ADGRB3: variants seen among roughly 807,000 people sequenced by gnomAD.
The protein encoded by ADGRB3 is adhesion G protein-coupled receptor B3.
In ADGRB3, 37 loss-of-function variants were observed where a neutral mutation model predicts 193.4. The observed-to-expected ratio is 0.19, with a 90% CI of 0.15 to 0.25. ADGRB3 has a LOEUF of 0.25. Among genes scored for constraint, ADGRB3 ranks in the 10% least tolerant of loss-of-function variants. ADGRB3 has a pLI of 1.00. For missense variants in ADGRB3, 1,637 were observed against 1,852.9 expected (o/e 0.88, Z 2.14); for synonymous variants, 690 against 644.2 (o/e 1.07, Z -1.08).
rs116554028 is a variant in ADGRB3 at position 68,904,339 on chromosome 6, G to T, written c.758-26220G>T. ...TACAACCCTGACAATATTGCTAAGT[G>T]ACATGAATTTTTCAGTTATAATCTT... On this transcript the variant is annotated intron_variant, in intron 3 of 31. Transcript: ENST00000370598. Among the ~76,000 whole-genome samples, 435 of 152,152 alleles carry T rather than the reference G, an allele frequency of 2.9e-3. 3 individuals are homozygous for T. The highest frequency in any genetic ancestry group is 9.0e-3 in the African/African-American group (372 of 41,508).
At chr6:68,716,786 T>G (rs1315482070) in intron 3 of ADGRB3, among the ~76,000 whole-genome samples, 1 of 151,716 alleles carries the variant, frequency 6.6e-6, no homozygotes, top group African/African-American at 2.4e-5. Context: ...GGAAGCTTGC[T>G]GACATATTTA....
chr6:68,725,884 G>A (rs1321493800), intron 3 of ADGRB3, among the ~76,000 whole-genome samples: 1 of 151,496 alleles, frequency 6.6e-6, no homozygotes, highest in Non-Finnish European at 1.5e-5. Context: ...AATTAATTAA[G>A]GAAATACAGA....
At chr6:69,303,217 G>A (rs1767985160) in intron 20 of ADGRB3, among the ~76,000 whole-genome samples, 1 of 151,362 alleles carries the variant, frequency 6.6e-6, no homozygotes, top group Non-Finnish European at 1.5e-5. Context: ...TATATGAGAT[G>A]AACACTGAAA....
At chr6:69,253,959 T>C (rs1340246554) in intron 20 of ADGRB3, among the ~76,000 whole-genome samples, 4 of 152,210 alleles carry the variant, frequency 2.6e-5, no homozygotes, top group Admixed American at 6.5e-5. Flanking sequence ...AGAATATTTG[T>C]AGAAAGTTAA....
intron 31 of ADGRB3, 136 bp from the exon 32 acceptor site, chr6:69,388,567 T>G: frequency 1.3e-6 from 1 of 754,554 alleles, no homozygotes; most frequent in Non-Finnish European, 2.1e-6. Context: ...TTTCCCACAG[T>G]TGGCCGTATT....
At chr6:68,783,171 T>C (rs955256978) in intron 3 of ADGRB3, among the ~76,000 whole-genome samples, 7 of 151,428 alleles carry the variant, frequency 4.6e-5, no homozygotes, top group Non-Finnish European at 1.0e-4. Context: ...GATGATAAAA[T>C]TGAGACTTTT....
At chr6:68,799,278 A>G (rs1767269238) in intron 3 of ADGRB3, among the ~76,000 whole-genome samples, 1 of 152,152 alleles carries the variant, frequency 6.6e-6, no homozygotes, top group Admixed American at 6.5e-5. Flanking sequence ...GGAGGGAGAA[A>G]CACTAAAAGT....
At chr6:69,078,171 T>A (rs1772287252) in intron 17 of ADGRB3, among the ~76,000 whole-genome samples, 1 of 152,060 alleles carries the variant, frequency 6.6e-6, no homozygotes, top group South Asian at 2.1e-4. Flanking sequence ...GTAATAAAGT[T>A]CAAATTAGAA....
rs1771844253 is a variant in ADGRB3, at chr6:69,064,584, A to G, written c.2436+1548A>G. Among the ~76,000 whole-genome samples, 4 of 151,976 alleles carry G rather than the reference A, an allele frequency of 2.6e-5. No homozygotes were observed. In the South Asian group the frequency reaches 8.3e-4, roughly 32 times the overall value. ...AGAATTTGTGTATTCAAAATTTTTT[A>G]CAAAAATATATGTTTTTATTGTTTT... On this transcript the variant is annotated intron_variant, in intron 16 of 31. Transcript: ENST00000370598.
chr6:69,350,761 C>CTTATT (rs930786748), intron 26 of ADGRB3, among the ~76,000 whole-genome samples: 5 of 151,640 alleles, frequency 3.3e-5, no homozygotes, highest in African/African-American at 1.2e-4. Context: ...TAGAATCTGT[C>CTTATT]TTATTTTATT....
intron 3 of ADGRB3, among the ~76,000 whole-genome samples, chr6:68,857,583 T>C (rs549398061): frequency 5.7e-4 from 87 of 152,340 alleles, no homozygotes; most frequent in African/African-American, 2.1e-3. Context: ...AGGCAATGTC[T>C]CTGTACCTGC....
chr6:69,127,385 TG>T lies in ADGRB3; in HGVS notation c.2480+51348del, dbSNP rs1342795960. Among the ~76,000 whole-genome samples, 4 of 152,362 alleles carry T rather than the reference TG, an allele frequency of 2.6e-5. No individual in the cohort carries two copies. The East Asian group carries it at 7.7e-4, about 29-fold the overall frequency. On this transcript the variant is annotated intron_variant, in intron 17 of 31. Coordinates refer to ENST00000370598, the MANE Select transcript of ADGRB3 (RefSeq NM_001704.3). ...TTATTCAATACTAGAGGGAAAAGGA[TG>T]TCACAGAACTGTGGAATCATTTCCT...
At chr6:69,266,650 A>C (rs1420986373) in intron 20 of ADGRB3, among the ~76,000 whole-genome samples, 1 of 152,068 alleles carries the variant, frequency 6.6e-6, no homozygotes, top group Admixed American at 6.6e-5. Context: ...GTATGTGTGC[A>C]TACACAGATA....
intron 3 of ADGRB3, among the ~76,000 whole-genome samples, chr6:68,746,904 T>G (rs1766096725): frequency 6.6e-6 from 1 of 152,310 alleles, no homozygotes; most frequent in African/African-American, 2.4e-5. Context: ...ATTTGCTTAG[T>G]TATTGGGTTA....
At chr6:68,819,350 C>T (rs1767704209) in intron 3 of ADGRB3, among the ~76,000 whole-genome samples, 1 of 151,902 alleles carries the variant, frequency 6.6e-6, no homozygotes, top group Non-Finnish European at 1.5e-5. Context: ...ACCTTTCCAC[C>T]ATACACATGT....
intron 3 of ADGRB3, among the ~76,000 whole-genome samples, chr6:68,777,782 G>T (rs1008009574): frequency 6.6e-6 from 1 of 151,758 alleles, no homozygotes; most frequent in Non-Finnish European, 1.5e-5. Flanking sequence ...TCCCAACTGA[G>T]AAGAGATGAA....
At chr6:69,279,581 G>A (rs551081556) in intron 20 of ADGRB3, among the ~76,000 whole-genome samples, 6 of 151,970 alleles carry the variant, frequency 3.9e-5, no homozygotes, top group Non-Finnish European at 7.4e-5. Flanking sequence ...ATATATATTT[G>A]TACTCTCTAG....
rs143092748 is a variant in ADGRB3 at position 69,123,171 on chromosome 6, A to G, written c.2480+47133A>G. 2.5e-3 allele frequency among the ~76,000 whole-genome samples: 383 copies of G among 152,252 alleles called. 10 individuals carry two copies. Among genetic ancestry groups the G allele is most frequent in the Admixed American group, 0.019 (289 of 15,286 alleles). ...GTATAAAGGGATAAATATGCACAATATGGGTTAACACAACTGAACTGCAAA... is the reference window on the plus strand; with the variant it reads ...GTATAAAGGGATAAATATGCACAATGTGGGTTAACACAACTGAACTGCAAA... On this transcript the variant is annotated intron_variant, in intron 17 of 31. Coordinates refer to ENST00000370598, the MANE Select transcript of ADGRB3 (RefSeq NM_001704.3).
In ADGRB3 at chr6:69,119,753, G is replaced by A. The variant is rs185066457; in HGVS notation, c.2480+43715G>A. ...ACTTATCAGGAGCGGAGCATGGAGA[G>A]CTCAGAGAGCCACATCACATAGGGC... On this transcript the variant is annotated intron_variant, in intron 17 of 31. Transcript: ENST00000370598. Among the ~76,000 whole-genome samples, 3 of 152,282 alleles carry A rather than the reference G, an allele frequency of 2.0e-5. No homozygotes were observed. In the East Asian group the frequency reaches 5.8e-4, roughly 29 times the overall value.
Sources: allele counts gnomAD v4.1 joint callset (sites outside exome capture counted in the v4.1 genomes callset), GRCh38; gene constraint gnomAD v4.1.1; transcripts MANE v1.5; gene names NCBI Gene and HGNC (gene_info 2026-07-23, HGNC 2026-07-21).